The following HIGD2A variants were observed in gnomAD, a reference collection of about 807,000 sequenced individuals.
The protein encoded by HIGD2A is HIG1 hypoxia inducible domain family member 2A, also known as HIG1 domain family member 2A, mitochondrial.
HIGD2A carries 4 observed loss-of-function variants against 6.3 expected under a neutral mutation model. The ratio of observed to expected loss-of-function variants is 0.64; its 90% CI spans 0.31 to 1.46. The LOEUF (loss-of-function observed/expected upper bound fraction) is 1.46, where lower values mean the gene tolerates loss of function less well. Among genes scored for constraint, HIGD2A ranks in the 40% most tolerant of loss-of-function variants. HIGD2A has a pLI of 0.07. For synonymous variants in HIGD2A, 63 were observed against 59.3 expected (o/e 1.06, Z -0.29); for missense variants, 143 against 144.8 (o/e 0.99, Z 0.06).
rs753411195 is a variant in HIGD2A, at chr5:176,389,532, G to T, written c.*35G>T. 3.8e-6 allele frequency: 6 copies of T among 1,582,480 alleles called. No homozygotes were observed. The East Asian group carries it at 9.0e-5, about 24-fold the overall frequency. On this transcript the variant is annotated 3_prime_UTR_variant, in exon 2 of 2. Transcript: ENST00000274787. ...CTGGCCTTGAAAGCTCCGCAGAAATGATTCCAAAACCCAGGGAGCAACCAC... is the reference window on the plus strand; with the variant it reads ...CTGGCCTTGAAAGCTCCGCAGAAATTATTCCAAAACCCAGGGAGCAACCAC...
rs1205010928 is a variant in HIGD2A, at chr5:176,389,517, A to G, written c.*20A>G. On this transcript the variant is annotated 3_prime_UTR_variant, in exon 2 of 2. Transcript: ENST00000274787. ...CCCTAAGCCCAGGGTCTGGCCTTGAAAGCTCCGCAGAAATGATTCCAAAAC... is the reference window on the plus strand; with the variant it reads ...CCCTAAGCCCAGGGTCTGGCCTTGAGAGCTCCGCAGAAATGATTCCAAAAC... 6.3e-7 allele frequency: 1 copy of G among 1,598,144 alleles called. No individual in the cohort carries two copies. The highest frequency in any genetic ancestry group is 1.1e-5 in the South Asian group (1 of 89,338).
At chr5:176,389,025 G>T in intron 1 of HIGD2A, 52 bp downstream of exon 1, 1 of 1,600,052 alleles carries the variant, frequency 6.2e-7, no homozygotes, top group South Asian at 1.1e-5. Context: ...ATGTCGGAGG[G>T]AAGGAAGTAG....
Position 176,389,693 on chromosome 5 carries a change from C to T in HIGD2A, c.*196C>T, listed in dbSNP as rs1377594313. 5.7e-6 allele frequency: 3 copies of T among 524,720 alleles called. No homozygotes were observed. The highest frequency in any genetic ancestry group is 3.1e-5 in the East Asian group (1 of 31,792). The allele number at this position is 524,720 out of a possible 1,614,324, so 32.5% of individuals were successfully genotyped here. On this transcript the variant is annotated 3_prime_UTR_variant, in exon 2 of 2. Transcript: ENST00000274787. Reference sequence around the variant, plus strand: ...GATGCTGTTGTTTGAATGTTACATACTTCTATTTGTGCCACATCTCCCCTC... The same window carrying T: ...GATGCTGTTGTTTGAATGTTACATATTTCTATTTGTGCCACATCTCCCCTC...
chr5:176,389,343 C>T lies in HIGD2A; in HGVS notation c.167C>T (p.Thr56Met), dbSNP rs1260906935. 2 of 1,613,230 alleles carry T rather than the reference C, an allele frequency of 1.2e-6. No individual in the cohort carries two copies. Among genetic ancestry groups the T allele is most frequent in the East Asian group, 2.2e-5 (1 of 44,866 alleles). ...NPVVPIGCLATAAALTYGLYS... is the reference protein window; with the variant it reads ...NPVVPIGCLAMAAALTYGLYS... The stretch of plus-strand genomic sequence containing the variant: ...GTCCCCTCCTCAGGTTGCCTGGCCA[C>T]GGCGGCCGCCCTCACCTACGGCCTC... The change falls in exon 2 of 2, where the codon ACG (threonine) becomes ATG (methionine). Residue 56 changes from threonine to methionine, a missense_variant. Thr to Met is a moderately conservative substitution (Grantham distance 81). Transcript: ENST00000274787.
Position 176,388,895 on chromosome 5 carries a change from C to A in HIGD2A, c.76C>A (p.Pro26Thr). 6.2e-7 allele frequency: 1 copy of A among 1,614,154 alleles called. No individual in the cohort carries two copies. The highest frequency in any genetic ancestry group is 8.5e-7 in the Non-Finnish European group (1 of 1,180,032). The part of the protein sequence containing the change: ...SKPPVIEGLS[P>T]TVYRNPESFK... ...GCCTCCAGTCATTGAGGGGCTGAGC[C>A]CCACTGTTTACAGGAATCCAGAGAG... Residue 26 changes from proline (P) to threonine (T), a missense_variant, in exon 1 of 2, where the codon CCC becomes ACC. By Grantham distance (38) the Pro-to-Thr change is conservative (BLOSUM62 -1). Coordinates refer to ENST00000274787, the MANE Select transcript of HIGD2A (RefSeq NM_138820.4).
Position 176,389,690 on chromosome 5 carries a change from A to G in HIGD2A, c.*193A>G. On this transcript the variant is annotated 3_prime_UTR_variant, in exon 2 of 2. Coordinates refer to ENST00000274787, the MANE Select transcript of HIGD2A (RefSeq NM_138820.4). ...CTAGATGCTGTTGTTTGAATGTTAC[A>G]TACTTCTATTTGTGCCACATCTCCC... The G allele has an allele frequency of 1.9e-6, 1 of 536,758 alleles. No individual in the cohort carries two copies. Among genetic ancestry groups the G allele is most frequent in the Non-Finnish European group, 3.2e-6 (1 of 308,492 alleles). 33.2% of individuals were successfully genotyped at this position (536,758 alleles called of 1,614,324 possible). A position where few individuals can be genotyped will look rare whatever the true frequency, so the allele number is the denominator to read the frequency against.
rs1476852136 is a variant in HIGD2A, at chr5:176,388,792, G to C, written c.-28G>C. On this transcript the variant is annotated 5_prime_UTR_variant, in exon 1 of 2. Transcript: ENST00000274787. ...ACCGGGAGGCTGAGGTCGGAGTCCC[G>C]ATTTTCTCCTGCTGCTGTGGCCCGG... 2 of 1,605,152 alleles carry C rather than the reference G, an allele frequency of 1.2e-6. No individual in the cohort carries two copies. Among genetic ancestry groups the C allele is most frequent in the Non-Finnish European group, 1.7e-6 (2 of 1,176,024 alleles).
intron 1 of HIGD2A, 71 bp from the exon 2 acceptor site, chr5:176,389,260 C>T: frequency 6.6e-7 from 1 of 1,516,176 alleles, no homozygotes; most frequent in Non-Finnish European, 9.0e-7. Flanking sequence ...TTTGGGGAAG[C>T]GAGACCCAAA....
chr5:176,388,887 G>A lies in HIGD2A; in HGVS notation c.68G>A (p.Gly23Glu), dbSNP rs140813394. 2 of 1,614,196 alleles carry A rather than the reference G, an allele frequency of 1.2e-6. No individual in the cohort carries two copies. The highest frequency in any genetic ancestry group is 2.2e-5 in the South Asian group (2 of 91,090). Reference protein sequence around the residue: ...FEPSKPPVIEGLSPTVYRNPE... With the variant: ...FEPSKPPVIEELSPTVYRNPE... ...CCATCGAAGCCTCCAGTCATTGAGGGGCTGAGCCCCACTGTTTACAGGAAT... is the reference window on the plus strand; with the variant it reads ...CCATCGAAGCCTCCAGTCATTGAGGAGCTGAGCCCCACTGTTTACAGGAAT... The change falls in exon 1 of 2, where the codon GGG (glycine) becomes GAG (glutamate). Residue 23 changes from glycine (G) to glutamate (E), a missense_variant. Transcript: ENST00000274787.
At position 176,388,803 on chromosome 5, in the gene HIGD2A, G is replaced by T. The variant is rs746177958; in HGVS notation, c.-17G>T. 3.7e-6 allele frequency: 6 copies of T among 1,608,578 alleles called. No homozygotes were observed. The highest frequency in any genetic ancestry group is 5.1e-6 in the Non-Finnish European group (6 of 1,177,888). ...GAGGTCGGAGTCCCGATTTTCTCCTGCTGCTGTGGCCCGGACATGGCGACT... is the reference window on the plus strand; with the variant it reads ...GAGGTCGGAGTCCCGATTTTCTCCTTCTGCTGTGGCCCGGACATGGCGACT... On this transcript the variant is annotated 5_prime_UTR_variant, in exon 1 of 2. Coordinates refer to ENST00000274787, the MANE Select transcript of HIGD2A (RefSeq NM_138820.4).
Position 176,388,897 on chromosome 5 carries a change from C to T in HIGD2A, c.78C>T (p.Pro26=). 1.2e-6 allele frequency: 2 copies of T among 1,614,190 alleles called. No homozygotes were observed. Among genetic ancestry groups the T allele is most frequent in the South Asian group, 1.1e-5 (1 of 91,090 alleles). Residue 26 remains proline (P), a synonymous_variant, in exon 1 of 2, where the codon CCC becomes CCT. Transcript: ENST00000274787. The part of the protein sequence containing the change: ...SKPPVIEGLS[P]TVYRNPESFK... Reference sequence around the variant, plus strand: ...CTCCAGTCATTGAGGGGCTGAGCCCCACTGTTTACAGGAATCCAGAGAGTT... The same window carrying T: ...CTCCAGTCATTGAGGGGCTGAGCCCTACTGTTTACAGGAATCCAGAGAGTT...
intron 1 of HIGD2A, 34 bp from the exon 2 acceptor site, chr5:176,389,297 C>T (rs201369752): frequency 1.5e-5 from 24 of 1,594,790 alleles, no homozygotes; most frequent in Middle Eastern, 1.9e-4. Context: ...GGGGCCCGAC[C>T]TGCTGTTTCC....
At position 176,389,408 on chromosome 5, in the gene HIGD2A, A is replaced by T; in HGVS notation, c.232A>T (p.Met78Leu). ...HRGNSQRSQL[M>L]MRTRIAAQGF... The stretch of plus-strand genomic sequence containing the variant: ...GGGCAACAGCCAGCGCTCTCAGCTC[A>T]TGATGCGCACCCGGATCGCCGCCCA... Residue 78 changes from methionine (M) to leucine (L), a missense_variant, in exon 2 of 2, where the codon ATG becomes TTG. Physicochemically the swap from Met to Leu is conservative, Grantham distance 15 (BLOSUM62 2). Transcript: ENST00000274787. 1 of 1,614,154 alleles carries T rather than the reference A, an allele frequency of 6.2e-7. No homozygotes were observed.
rs1292550382 is a variant in HIGD2A at position 176,388,901 on chromosome 5, G to C, written c.82G>C (p.Val28Leu). 2.5e-6 allele frequency: 4 copies of C among 1,614,186 alleles called. No individual in the cohort carries two copies. The highest frequency in any genetic ancestry group is 3.3e-5 in the Admixed American group (2 of 60,022). Residue 28 changes from valine to leucine, a missense_variant, in exon 1 of 2, where the codon GTT becomes CTT. By Grantham distance (32) the Val-to-Leu change is conservative. Transcript: ENST00000274787. ...PPVIEGLSPT[V>L]YRNPESFKEK... Reference sequence around the variant, plus strand: ...AGTCATTGAGGGGCTGAGCCCCACTGTTTACAGGAATCCAGAGAGTTTCAA... The same window carrying C: ...AGTCATTGAGGGGCTGAGCCCCACTCTTTACAGGAATCCAGAGAGTTTCAA...
rs767952835 is a variant in HIGD2A at position 176,389,469 on chromosome 5, C to T, written c.293C>T (p.Ala98Val). Residue 98 changes from alanine to valine, a missense_variant, in exon 2 of 2, where the codon GCT becomes GTT. Transcript: ENST00000274787. ...GTCGCAGCCATCTTGCTGGGTCTGG[C>T]TGTCACTGCTATGAAGTCTCGACCC... Reference protein sequence around the residue: ...FTVAAILLGLAVTAMKSRP With the variant: ...FTVAAILLGLVVTAMKSRP 2 of 1,613,934 alleles carry T rather than the reference C, an allele frequency of 1.2e-6. No homozygotes were observed. The highest frequency in any genetic ancestry group is 2.2e-5 in the South Asian group (2 of 91,062).
chr5:176,389,208 A>C (rs955167718), intron 1 of HIGD2A, 123 bp from the exon 2 acceptor site: 11 of 1,250,506 alleles, frequency 8.8e-6, no homozygotes, highest in Non-Finnish European at 1.1e-5. Context: ...GACTCGACCT[A>C]CCCTCGCCGC....
Position 176,388,952 on chromosome 5 carries a change from G to C in HIGD2A, c.133G>C (p.Glu45Gln). 2 of 1,614,174 alleles carry C rather than the reference G, an allele frequency of 1.2e-6. No individual in the cohort carries two copies. The highest frequency in any genetic ancestry group is 1.7e-6 in the Non-Finnish European group (2 of 1,180,036). Reference protein sequence around the residue: ...FKEKFVRKTRENPVVPIGCLA... With the variant: ...FKEKFVRKTRQNPVVPIGCLA... The stretch of plus-strand genomic sequence containing the variant: ...GGAAAAGTTCGTTCGCAAGACCCGC[G>C]AGAACCCGGTGGTACCCATAGGTAA... Residue 45 changes from glutamate (E) to glutamine (Q), a missense_variant, in exon 1 of 2, where the codon GAG becomes CAG. Coordinates refer to ENST00000274787, the MANE Select transcript of HIGD2A (RefSeq NM_138820.4).
rs1259729093 is a variant in HIGD2A at position 176,389,523 on chromosome 5, C to T, written c.*26C>T. ...GCCCAGGGTCTGGCCTTGAAAGCTC[C>T]GCAGAAATGATTCCAAAACCCAGGG... On this transcript the variant is annotated 3_prime_UTR_variant, in exon 2 of 2. Transcript: ENST00000274787. The T allele has an allele frequency of 6.3e-7, 1 of 1,589,550 alleles. No individual in the cohort carries two copies.
chr5:176,389,194 C>T (rs528329620), intron 1 of HIGD2A, 137 bp from the exon 2 acceptor site: 3 of 1,145,974 alleles, frequency 2.6e-6, no homozygotes, highest in African/African-American at 1.5e-5. Flanking sequence ...ACTAGGAAGA[C>T]CTCGACTCGA....
Sources: allele counts gnomAD v4.1 joint callset, GRCh38; gene constraint gnomAD v4.1.1; transcripts MANE v1.5; gene names NCBI Gene and HGNC (gene_info 2026-07-23, HGNC 2026-07-21).